Variants in MXD1 observed in about 807,000 individuals in gnomAD.
MXD1 encodes MAX dimerization protein 1.
A neutral mutation model predicts 25.7 loss-of-function variants in MXD1; 9 were observed. That is an observed-to-expected ratio of 0.35 (90% CI 0.21 to 0.61). MXD1 has a LOEUF of 0.61. Ranked by LOEUF, MXD1 falls within the 20% of genes least tolerant of loss-of-function variation. MXD1 has a pLI of 0.75. For missense variants in MXD1, 227 were observed against 292.4 expected (o/e 0.78, Z 1.63); for synonymous variants, 99 against 113.9 (o/e 0.87, Z 0.83).
intron 5 of MXD1, among the ~76,000 whole-genome samples, chr2:69,937,812 C>T (rs1677490890): frequency 6.6e-6 from 1 of 152,168 alleles, no homozygotes; most frequent in Non-Finnish European, 1.5e-5. Context: ...TGAGGTTTCA[C>T]CATATTGGCC....
At position 69,938,137 on chromosome 2, in the gene MXD1, A is replaced by G. The variant is rs1167937965; in HGVS notation, c.519A>G (p.Thr173=). Residue 173 remains threonine (T), a synonymous_variant, in exon 6 of 6, where the codon ACA becomes ACG. Coordinates refer to ENST00000264444, the MANE Select transcript of MXD1 (RefSeq NM_002357.4). The part of the protein sequence containing the change: ...DVDVESTDYL[T]GDLDWSSSSV... The stretch of plus-strand genomic sequence containing the variant: ...ACGTGGAGAGCACGGACTATCTCAC[A>G]GGTGATCTGGACTGGAGCAGCAGCA... 6.2e-7 allele frequency: 1 copy of G among 1,613,920 alleles called. No homozygotes were observed.
Position 69,915,335 on chromosome 2 carries a change from C to A in MXD1, c.5C>A (p.Ala2Glu). The A allele has an allele frequency of 7.7e-7, 1 of 1,306,752 alleles. No homozygotes were observed. Among genetic ancestry groups the A allele is most frequent in the Non-Finnish European group, 9.8e-7 (1 of 1,018,790 alleles). The allele number at this position is 1,306,752 out of a possible 1,614,324, so 80.9% of individuals were successfully genotyped here. Residue 2 changes from alanine to glutamate, a missense_variant, in exon 1 of 6, where the codon GCG (alanine) becomes GAG (glutamate). Coordinates refer to ENST00000264444, the MANE Select transcript of MXD1 (RefSeq NM_002357.4). The surrounding 1 kb of genome is among the most constrained non-coding windows in gnomAD (Gnocchi z 5.8). M[A>E]AAVRMNIQML... is the part of the protein sequence containing the mutation. The stretch of plus-strand genomic sequence containing the variant: ...GGCTCCGGCCCCCGGTGCAGAATGG[C>A]GGCGGCGGTTCGGATGAACATCCAG...
chr2:69,934,109 A>G (rs1573408894), intron 3 of MXD1, among the ~76,000 whole-genome samples: 1 of 152,240 alleles, frequency 6.6e-6, no homozygotes, highest in Non-Finnish European at 1.5e-5. Flanking sequence ...CAGCACAGCA[A>G]TGATTAAGCT....
rs201879177 is a variant in MXD1 at position 69,917,838 on chromosome 2, AAAT to A, written c.173+1621_173+1623del. 4.3e-3 allele frequency among the ~76,000 whole-genome samples: 535 copies of A among 123,920 alleles called. 12 individuals are homozygous for A. The highest frequency in any genetic ancestry group is 0.015 in the African/African-American group (381 of 25,692). The allele number at this position is 123,920 out of a possible 152,430, so 81.3% of individuals were successfully genotyped here. On this transcript the variant is annotated intron_variant, in intron 2 of 5. Transcript: ENST00000264444. ...AATCAGTACTATGCCAAAAAAAAAA[AAAT>A]AAAGGCTACAAATCCTTCTGTTAAT...
intron 2 of MXD1, 183 bp downstream of exon 2, chr2:69,916,403 T>G: frequency 2.2e-6 from 1 of 446,348 alleles, no homozygotes; most frequent in Non-Finnish European, 4.0e-6. Context: ...TTGAGGGAAC[T>G]GAAAAGAAAA....
intron 2 of MXD1, among the ~76,000 whole-genome samples, chr2:69,916,813 G>T (rs967006073): frequency 6.6e-6 from 1 of 152,200 alleles, no homozygotes. Context: ...ATATTAATAT[G>T]CTACAACTTT....
At position 69,942,710 on chromosome 2, in the gene MXD1, C is replaced by A. The variant is rs1442387936; in HGVS notation, c.*4426C>A. The stretch of plus-strand genomic sequence containing the variant: ...GCCATCTTCCTAATGCTACACACAG[C>A]CTGACAGGGGAGCAGCAGATGAAAG... On this transcript the variant is annotated 3_prime_UTR_variant, in exon 6 of 6. Transcript: ENST00000264444. 1 of 152,156 alleles carries A rather than the reference C, an allele frequency of 6.6e-6. No homozygotes were observed. The highest frequency in any genetic ancestry group is 1.5e-5 in the Non-Finnish European group (1 of 68,028). The allele number at this position is 152,156 out of a possible 1,614,324, so 9.4% of individuals were successfully genotyped here.
rs1224015146 is a variant in MXD1 at position 69,938,444 on chromosome 2, T to C, written c.*160T>C. ...GTTTTCAAGGAGGTGCTTAGGATTG[T>C]GGGTTTCTGATTGCATCCACTAGCT... On this transcript the variant is annotated 3_prime_UTR_variant, in exon 6 of 6. Transcript: ENST00000264444. The C allele has an allele frequency of 3.0e-5, 21 of 697,858 alleles. No individual in the cohort carries two copies. Among genetic ancestry groups the C allele is most frequent in the Non-Finnish European group, 4.5e-5 (19 of 423,756 alleles). 43.2% of individuals were successfully genotyped at this position (697,858 alleles called of 1,614,324 possible). A position where few individuals can be genotyped will look rare whatever the true frequency, so the allele number is the denominator to read the frequency against.
At chr2:69,917,938 A>C (rs1179839917) in intron 2 of MXD1, among the ~76,000 whole-genome samples, 1 of 152,056 alleles carries the variant, frequency 6.6e-6, no homozygotes, top group East Asian at 1.9e-4. Context: ...ATAGTGAGTT[A>C]GTGTAATATA....
At position 69,934,307 on chromosome 2, in the gene MXD1, C is replaced by A. The variant is rs151301385; in HGVS notation, c.204-1044C>A. On this transcript the variant is annotated intron_variant, in intron 3 of 5. Coordinates refer to ENST00000264444, the MANE Select transcript of MXD1 (RefSeq NM_002357.4). ...GGAGGTGGTAAGCTTAAGCAAAACC[C>A]CCAAATCTCAGCTGCTTCTTACATT... 6.4e-3 allele frequency among the ~76,000 whole-genome samples: 968 copies of A among 152,204 alleles called. 5 individuals carry two copies. Among genetic ancestry groups the A allele is most frequent in the Admixed American group, 0.014 (212 of 15,278 alleles).
chr2:69,915,642 C>T lies in MXD1; in HGVS notation c.73+239C>T, dbSNP rs1015915342. Among the ~76,000 whole-genome samples, 3 of 152,208 alleles carry T rather than the reference C, an allele frequency of 2.0e-5. No homozygotes were observed. The highest frequency in any genetic ancestry group is 7.2e-5 in the African/African-American group (3 of 41,458). ...GGGGTCCCGAACGCCGCCCCTTCCC[C>T]AGCCCTTCACGAGTGGGTGGCCGGG... On this transcript the variant is annotated intron_variant, in intron 1 of 5. Transcript: ENST00000264444. The surrounding 1 kb of genome is among the most constrained non-coding windows in gnomAD (Gnocchi z 5.8).
intron 2 of MXD1, among the ~76,000 whole-genome samples, chr2:69,921,166 TG>T (rs1278053213): frequency 6.6e-6 from 1 of 152,230 alleles, no homozygotes; most frequent in African/African-American, 2.4e-5. Context: ...TATATTGAGC[TG>T]AACTTTGGAA....
At chr2:69,928,468 A>C (rs988328149) in intron 3 of MXD1, among the ~76,000 whole-genome samples, 3 of 152,212 alleles carry the variant, frequency 2.0e-5, no homozygotes, top group Non-Finnish European at 4.4e-5. Context: ...CAGGGTTTGA[A>C]TATAGCTCCT....
chr2:69,925,391 A>G (rs1573403562), intron 3 of MXD1, among the ~76,000 whole-genome samples: 1 of 152,188 alleles, frequency 6.6e-6, no homozygotes, highest in African/African-American at 2.4e-5. Flanking sequence ...ACTTGAAAAT[A>G]TATCTTTCCA....
intron 3 of MXD1, among the ~76,000 whole-genome samples, chr2:69,926,937 G>T (rs1349211279): frequency 6.6e-6 from 1 of 152,144 alleles, no homozygotes; most frequent in Non-Finnish European, 1.5e-5. Context: ...CATTTTTCTG[G>T]AGTGGTACAT....
intron 3 of MXD1, among the ~76,000 whole-genome samples, chr2:69,933,010 C>T (rs1293608551): frequency 1.3e-5 from 2 of 151,838 alleles, no homozygotes; most frequent in African/African-American, 4.8e-5. Flanking sequence ...ACCAGCCTGG[C>T]CAACATGGTG....
At chr2:69,919,884 C>T (rs1158269903) in intron 2 of MXD1, among the ~76,000 whole-genome samples, 2 of 151,690 alleles carry the variant, frequency 1.3e-5, no homozygotes, top group Non-Finnish European at 2.9e-5. Flanking sequence ...CTGTGTTGCC[C>T]ACACTGGTCT....
intron 2 of MXD1, among the ~76,000 whole-genome samples, chr2:69,919,890 G>A (rs1327056816): frequency 2.0e-5 from 3 of 151,306 alleles, no homozygotes; most frequent in Non-Finnish European, 4.4e-5. Context: ...TGCCCACACT[G>A]GTCTCCAACT....
At chr2:69,925,539 G>C (rs1333005606) in intron 3 of MXD1, among the ~76,000 whole-genome samples, 2 of 152,058 alleles carry the variant, frequency 1.3e-5, no homozygotes, top group African/African-American at 2.4e-5. Context: ...TATCCATCTA[G>C]ACTTTTGTGT....
Sources: allele counts gnomAD v4.1 joint callset (sites outside exome capture counted in the v4.1 genomes callset), GRCh38; gene constraint gnomAD v4.1.1; non-coding constraint Gnocchi (gnomAD v3.1); transcripts MANE v1.5; gene names NCBI Gene and HGNC (gene_info 2026-07-23, HGNC 2026-07-21).